The following SEC14L1 variants were observed in gnomAD, a reference collection of about 807,000 sequenced individuals.
The protein encoded by SEC14L1 is SEC14-like protein 1.
Under a neutral mutation model 85.3 loss-of-function variants are expected in SEC14L1, and 48 were observed. That is an observed-to-expected ratio of 0.56 (90% CI 0.45 to 0.72). The LOEUF (loss-of-function observed/expected upper bound fraction) is 0.72. Ranked by LOEUF, SEC14L1 falls within the 30% of genes least tolerant of loss-of-function variation. The pLI is 0.00. For missense variants in SEC14L1, 682 were observed against 921.4 expected, an observed-to-expected ratio of 0.74 and a Z score of 3.36; for synonymous variants, 391 against 355.5, an observed-to-expected ratio of 1.10 and a Z score of -1.12.
chr17:77,132,822 A>T (rs1004921357), intron 3 of SEC14L1, among the ~76,000 whole-genome samples: 8 of 149,370 alleles, frequency 5.4e-5, no homozygotes, highest in African/African-American at 2.0e-4. Context: ...TCTTGGAGTG[A>T]CACTCCCCTA....
At chr17:77,106,425 G>A (rs139888576) in intron 3 of SEC14L1, among the ~76,000 whole-genome samples, 54 of 151,068 alleles carry the variant, frequency 3.6e-4, no homozygotes, top group African/African-American at 1.1e-3. Flanking sequence ...CCAGCTACTC[G>A]GGAGACTGAG....
intron 3 of SEC14L1, among the ~76,000 whole-genome samples, chr17:77,131,779 A>C (rs1012958784): frequency 2.0e-4 from 30 of 152,206 alleles, no homozygotes; most frequent in African/African-American, 7.0e-4. Context: ...TTCTGTAGTC[A>C]ATGTACTTTT....
At chr17:77,122,150 C>T (rs1418479663) in intron 3 of SEC14L1, among the ~76,000 whole-genome samples, 2 of 152,332 alleles carry the variant, frequency 1.3e-5, no homozygotes, top group South Asian at 2.1e-4. Context: ...GAATTTTTTA[C>T]ACACAGTAGG....
At chr17:77,164,260 A>T (rs1390866936) in intron 3 of SEC14L1, among the ~76,000 whole-genome samples, 1 of 152,222 alleles carries the variant, frequency 6.6e-6, no homozygotes, top group Admixed American at 6.5e-5. Flanking sequence ...GCGCTCAGGC[A>T]CTTGGCTTTC....
rs376735248 is a variant in SEC14L1 at position 77,194,937 on chromosome 17, G to A, written c.709+26G>A. Reference sequence around the variant, plus strand: ...GTGGGTCTGGCAGGGGCTTCATCCCGAGAGCAAGGCTAGGGAAGTCGGCGT... The same window carrying A: ...GTGGGTCTGGCAGGGGCTTCATCCCAAGAGCAAGGCTAGGGAAGTCGGCGT... On this transcript the variant is annotated intron_variant, in intron 7 of 16. Coordinates refer to ENST00000436233, the MANE Select transcript of SEC14L1 (RefSeq NM_001143998.2). The A allele has an allele frequency of 9.0e-5, 140 of 1,560,218 alleles. No homozygotes were observed. In the African/African-American group the frequency reaches 1.3e-3, roughly 14 times the overall value.
At chr17:77,093,607 C>A (rs1453362360) in intron 3 of SEC14L1, 1 of 152,216 alleles carries the variant, frequency 6.6e-6, no homozygotes, top group Non-Finnish European at 1.5e-5. Flanking sequence ...CTCCTTAGCA[C>A]TTAGAGGCGG....
In SEC14L1 at chr17:77,179,799, C is replaced by T. The variant is rs575424248; in HGVS notation, c.64-11004C>T. Among the ~76,000 whole-genome samples the T allele has an allele frequency of 8.6e-5, 13 of 151,884 alleles. No individual in the cohort carries two copies. In the South Asian group the frequency reaches 2.5e-3, roughly 29 times the overall value. On this transcript the variant is annotated intron_variant, in intron 3 of 16. Coordinates refer to ENST00000436233, the MANE Select transcript of SEC14L1 (RefSeq NM_001143998.2). ...ATGCCATTCTCCTGCCTCAGCTTCCCGAGTAGCTGGGACTACAGGCGCCCG... is the reference window on the plus strand; with the variant it reads ...ATGCCATTCTCCTGCCTCAGCTTCCTGAGTAGCTGGGACTACAGGCGCCCG...
intron 3 of SEC14L1, among the ~76,000 whole-genome samples, chr17:77,161,890 CTCTTTCTCTCTT>C (rs1974078832): frequency 1.4e-5 from 2 of 142,670 alleles, no homozygotes; most frequent in African/African-American, 2.6e-5. Flanking sequence ...CTTCCTTCCT[CTCTTTCTCTCTT>C]TCTTTCTCTT....
At chr17:77,104,790 CAAAAA>C (rs34654587) in intron 3 of SEC14L1, among the ~76,000 whole-genome samples, 4 of 115,818 alleles carry the variant, frequency 3.5e-5, no homozygotes, top group Non-Finnish European at 5.4e-5. Flanking sequence ...GACTCCATTT[CAAAAA>C]AAAAAAAAAA....
chr17:77,211,747 G>C (rs1323330524), intron 14 of SEC14L1: 2 of 634,874 alleles, frequency 3.2e-6, no homozygotes, highest in Middle Eastern at 4.3e-4. Flanking sequence ...CACAGAGCTT[G>C]GTGCATGACA....
At chr17:77,127,207 A>G (rs1003639598) in intron 3 of SEC14L1, among the ~76,000 whole-genome samples, 1 of 150,390 alleles carries the variant, frequency 6.6e-6, no homozygotes, top group Admixed American at 6.6e-5. Context: ...TCATTGTTCA[A>G]CTCCCACTTA....
intron 3 of SEC14L1, among the ~76,000 whole-genome samples, chr17:77,124,162 G>A (rs541679741): frequency 1.1e-3 from 174 of 152,170 alleles, no homozygotes; most frequent in African/African-American, 3.6e-3. Context: ...CCAGGAGTTC[G>A]AGACCAGCCT....
chr17:77,100,307 G>A (rs1047235690), intron 3 of SEC14L1, among the ~76,000 whole-genome samples: 3 of 151,918 alleles, frequency 2.0e-5, no homozygotes, highest in Admixed American at 6.6e-5. Context: ...GTGCGCATGC[G>A]CAAAAGGTGC....
At chr17:77,209,699 G>C (rs1029603995) in intron 14 of SEC14L1, among the ~76,000 whole-genome samples, 1 of 152,172 alleles carries the variant, frequency 6.6e-6, no homozygotes, top group African/African-American at 2.4e-5. Flanking sequence ...CAGAGTGCCT[G>C]GAAAGGAAAT....
chr17:77,209,614 C>CT, intron 14 of SEC14L1, 138 bp downstream of exon 14: 1 of 861,974 alleles, frequency 1.2e-6, no homozygotes, highest in Non-Finnish European at 1.7e-6. Flanking sequence ...TTTGTTGACA[C>CT]TCGATATTTA....
In SEC14L1 at chr17:77,213,523, C is replaced by T. The variant is rs769276781; in HGVS notation, c.2042+31C>T. ...GCCACCCTCGCCACAGCAGGTGCTG[C>T]GGACAGCTGGGCATGGTTGGAGGGA... On this transcript the variant is annotated intron_variant, in intron 16 of 16. Transcript: ENST00000436233. This position sits in a 1 kb window ranked among gnomAD's most constrained non-coding sequence, Gnocchi z 7.1. 22 of 1,600,662 alleles carry T rather than the reference C, an allele frequency of 1.4e-5. No individual in the cohort carries two copies. The highest frequency in any genetic ancestry group is 2.2e-5 in the South Asian group (2 of 90,944).
At chr17:77,162,599 G>A (rs1224016482) in intron 3 of SEC14L1, among the ~76,000 whole-genome samples, 1 of 152,080 alleles carries the variant, frequency 6.6e-6, no homozygotes, top group Non-Finnish European at 1.5e-5. Context: ...TTGGGAGGCC[G>A]AGGCAGGTGG....
rs140706104 is a variant in SEC14L1, at chr17:77,173,477, G to A, written c.64-17326G>A. ...GGGTTGCTTAGGGGTGGGGGCCTTA[G>A]TTTCTATAGGGTAAGTAGTTTCTGG... On this transcript the variant is annotated intron_variant, in intron 3 of 16. Transcript: ENST00000436233. Among the ~76,000 whole-genome samples, 413 of 152,124 alleles carry A rather than the reference G, an allele frequency of 2.7e-3. 9 individuals carry two copies. Among genetic ancestry groups the A allele is most frequent in the Admixed American group, 0.023 (353 of 15,286 alleles).
chr17:77,165,731 A>C (rs987229318), intron 3 of SEC14L1, among the ~76,000 whole-genome samples: 2 of 152,154 alleles, frequency 1.3e-5, no homozygotes, highest in East Asian at 3.8e-4. Flanking sequence ...GAGACCTAAT[A>C]TGCTCCTATT....
Sources: allele counts gnomAD v4.1 joint callset (sites outside exome capture counted in the v4.1 genomes callset), GRCh38; gene constraint gnomAD v4.1.1; non-coding constraint Gnocchi (gnomAD v3.1); transcripts MANE v1.5; gene names NCBI Gene and HGNC (gene_info 2026-07-23, HGNC 2026-07-21).